Variants in MRNIP observed in about 807,000 individuals in gnomAD.
MRNIP encodes the protein MRN complex interacting protein.
In MRNIP, 30 loss-of-function variants were observed where a neutral mutation model predicts 29.8. The observed-to-expected ratio is 1.01, with a 90% CI of 0.75 to 1.36. MRNIP has a LOEUF of 1.36. Ranked by LOEUF, MRNIP falls within the 40% of genes most tolerant of loss-of-function variation. The probability of loss-of-function intolerance (pLI) is 0.00; values close to 1 mark genes in which losing one functional copy is unlikely to be tolerated. For missense variants in MRNIP, 459 were observed against 423.5 expected (o/e 1.08, Z -0.74); for synonymous variants, 201 against 164.1 (o/e 1.23, Z -1.72).
intron 3 of MRNIP, 68 bp from the exon 4 acceptor site, chr5:179,844,295 G>A (rs2113549779): frequency 1.5e-6 from 2 of 1,319,042 alleles, no homozygotes; most frequent in East Asian, 2.3e-5. Context: ...GCTCACTCCT[G>A]TAATCCCAGC....
intron 2 of MRNIP, among the ~76,000 whole-genome samples, chr5:179,849,423 C>T (rs1294689440): frequency 3.4e-5 from 5 of 148,656 alleles, no homozygotes; most frequent in Middle Eastern, 4.0e-3. Context: ...ACCATGGGTC[C>T]TGCTATGGCA....
At chr5:179,845,645 G>A (rs1481442463) in intron 3 of MRNIP, among the ~76,000 whole-genome samples, 1 of 151,230 alleles carries the variant, frequency 6.6e-6, no homozygotes, top group African/African-American at 2.4e-5. Context: ...ACAGGCATGT[G>A]CCACCACACC....
intron 4 of MRNIP, among the ~76,000 whole-genome samples, chr5:179,842,897 G>A (rs1298838250): frequency 2.6e-5 from 4 of 151,458 alleles, no homozygotes; most frequent in Non-Finnish European, 5.9e-5. Flanking sequence ...GCCGGGCGTG[G>A]TGGTGCGTGC....
At chr5:179,851,218 C>T (rs1244342694) in intron 2 of MRNIP, 1 of 455,464 alleles carries the variant, frequency 2.2e-6, no homozygotes, top group Admixed American at 2.3e-5. Flanking sequence ...ACAAGCCATG[C>T]TCACCATGTG....
At chr5:179,853,352 C>T in intron 2 of MRNIP, 26 bp downstream of exon 2, 1 of 1,611,444 alleles carries the variant, frequency 6.2e-7, no homozygotes, top group South Asian at 1.1e-5. Flanking sequence ...CTGCGCCCCA[C>T]TTGCTTTCTG....
In MRNIP at chr5:179,837,740, T is replaced by C. The variant is rs1561612331; in HGVS notation, c.683A>G (p.Lys228Arg). ...AGGTGGCAGGACAAATTGCGCCCAT[T>C]TAGAGGATGTGGCTGTAACCTGCTG... ...PIQQVTATSS[K>R]WAQFVLPPRK... The change falls in exon 7 of 7, where the codon AAA (lysine) becomes AGA (arginine). Residue 228 changes from lysine (K) to arginine (R), a missense_variant. Lys to Arg is a conservative substitution (Grantham distance 26). Coordinates refer to ENST00000292586, the MANE Select transcript of MRNIP (RefSeq NM_016175.4). 2 of 1,614,244 alleles carry C rather than the reference T, an allele frequency of 1.2e-6. No homozygotes were observed. Among genetic ancestry groups the C allele is most frequent in the Non-Finnish European group, 1.7e-6 (2 of 1,180,044 alleles).
chr5:179,843,424 G>A (rs1250663277), intron 4 of MRNIP, among the ~76,000 whole-genome samples: 1 of 152,152 alleles, frequency 6.6e-6, no homozygotes, highest in Non-Finnish European at 1.5e-5. Context: ...TACCAGAAGA[G>A]CATCTTCCTC....
At chr5:179,850,599 G>C (rs1290315690) in intron 2 of MRNIP, among the ~76,000 whole-genome samples, 2 of 152,312 alleles carry the variant, frequency 1.3e-5, no homozygotes, top group African/African-American at 4.8e-5. Flanking sequence ...AGAAGCAATT[G>C]TAATGGACAC....
At chr5:179,845,799 T>C (rs966526494) in intron 3 of MRNIP, 1 of 152,040 alleles carries the variant, frequency 6.6e-6, no homozygotes, top group African/African-American at 2.4e-5. Context: ...CCCGGCCTCT[T>C]TTTGGTTCTT....
chr5:179,845,640 C>A (rs929796842), intron 3 of MRNIP, among the ~76,000 whole-genome samples: 2 of 151,378 alleles, frequency 1.3e-5, no homozygotes, highest in East Asian at 2.0e-4. Flanking sequence ...GGATTACAGG[C>A]ATGTGCCACC....
At chr5:179,843,436 G>A (rs920511715) in intron 4 of MRNIP, among the ~76,000 whole-genome samples, 4 of 152,148 alleles carry the variant, frequency 2.6e-5, no homozygotes, top group Admixed American at 2.6e-4. Flanking sequence ...ATCTTCCTCT[G>A]CTTATAACAA....
chr5:179,854,863 T>C (rs1358398688), intron 1 of MRNIP, among the ~76,000 whole-genome samples: 18 of 152,178 alleles, frequency 1.2e-4, no homozygotes, highest in Admixed American at 9.2e-4. Context: ...TCTCTTAACA[T>C]ATAAAATGCC....
At chr5:179,840,721 G>T in intron 6 of MRNIP, 151 bp downstream of exon 6, 1 of 659,504 alleles carries the variant, frequency 1.5e-6, no homozygotes, top group Non-Finnish European at 2.7e-6. Context: ...GGAAGGAGTT[G>T]GCTTCAGACA....
At chr5:179,849,822 CGTG>C (rs1759282235) in intron 2 of MRNIP, among the ~76,000 whole-genome samples, 4 of 151,834 alleles carry the variant, frequency 2.6e-5, no homozygotes, top group Non-Finnish European at 2.9e-5. Context: ...GACCATGGGT[CGTG>C]CTATGGCACA....
intron 1 of MRNIP, among the ~76,000 whole-genome samples, chr5:179,856,557 C>T (rs766559748): frequency 6.6e-6 from 1 of 152,152 alleles, no homozygotes; most frequent in Non-Finnish European, 1.5e-5. Flanking sequence ...GCAACCTCTA[C>T]CTCCTGGACT....
At chr5:179,854,988 A>G (rs901908567) in intron 1 of MRNIP, among the ~76,000 whole-genome samples, 10 of 152,160 alleles carry the variant, frequency 6.6e-5, no homozygotes, top group Non-Finnish European at 1.2e-4. Context: ...TAGCCAATGG[A>G]ATTAGAAGAA....
chr5:179,852,637 C>CT (rs1759418669), intron 2 of MRNIP, among the ~76,000 whole-genome samples: 4 of 152,176 alleles, frequency 2.6e-5, no homozygotes, highest in Admixed American at 2.6e-4. Context: ...ACAGTGAGCA[C>CT]AAAGGCCTGA....
chr5:179,837,643 T>G lies in MRNIP; in HGVS notation c.780A>C (p.Ala260=). 1 of 1,614,212 alleles carries G rather than the reference T, an allele frequency of 6.2e-7. No individual in the cohort carries two copies. Among genetic ancestry groups the G allele is most frequent in the South Asian group, 1.1e-5 (1 of 91,082 alleles). The change falls in exon 7 of 7, where the codon GCA becomes GCC. Residue 260 remains alanine, a synonymous_variant. Transcript: ENST00000292586. ...LQRDPRPAGP[A]QAKQGTPRAQ... Reference sequence around the variant, plus strand: ...CTCTGGGGGTCCCTTGCTTAGCCTGTGCTGGACCAGCTGGCCTGGGGTCCC... The same window carrying G: ...CTCTGGGGGTCCCTTGCTTAGCCTGGGCTGGACCAGCTGGCCTGGGGTCCC...
intron 2 of MRNIP, among the ~76,000 whole-genome samples, chr5:179,848,587 T>C (rs1240409023): frequency 6.6e-6 from 1 of 152,178 alleles, no homozygotes; most frequent in Non-Finnish European, 1.5e-5. Flanking sequence ...CAAGACTCCC[T>C]GTCATCATGG....
Sources: gnomAD v4.1 joint callset for allele counts (sites outside exome capture counted in the v4.1 genomes callset) on GRCh38, gnomAD v4.1.1 for gene constraint, MANE v1.5 for transcripts, NCBI Gene and HGNC (gene_info 2026-07-23, HGNC 2026-07-21) for gene names.